The following ENPP3 variants were observed in gnomAD, a reference collection of about 807,000 sequenced individuals.
ENPP3 encodes ectonucleotide pyrophosphatase/phosphodiesterase 3, also known as ectonucleotide pyrophosphatase/phosphodiesterase family member 3.
In ENPP3, 104 loss-of-function variants were observed where a neutral mutation model predicts 117.8. The ratio of observed to expected loss-of-function variants is 0.88; its 90% CI spans 0.75 to 1.04. The LOEUF (loss-of-function observed/expected upper bound fraction) is 1.04. ENPP3 is among the 50% of genes least tolerant of loss of function. The pLI, the probability that ENPP3 is intolerant of heterozygous loss-of-function variation, is 0.00. For synonymous variants in ENPP3, 380 were observed against 349.9 expected, an observed-to-expected ratio of 1.09 and a Z score of -0.96; for missense variants, 1,026 against 1,051.9, an observed-to-expected ratio of 0.98 and a Z score of 0.34.
chr6:131,730,164 C>T (rs958609621), intron 20 of ENPP3, among the ~76,000 whole-genome samples: 19 of 152,054 alleles, frequency 1.2e-4, no homozygotes, highest in Admixed American at 4.6e-4. Flanking sequence ...TGTTTGAGTA[C>T]AACGATAAAG....
At chr6:131,639,963 AAAT>A (rs990730675) in intron 1 of ENPP3, among the ~76,000 whole-genome samples, 4 of 151,846 alleles carry the variant, frequency 2.6e-5, no homozygotes, top group Admixed American at 6.6e-5. Flanking sequence ...CTCCAACTCT[AAAT>A]AATAATAATA....
rs1421903651 is a variant in ENPP3 at position 131,699,271 on chromosome 6, T to C, written c.1412+5647T>C. 2.2e-5 allele frequency among the ~76,000 whole-genome samples: 3 copies of C among 135,006 alleles called. No homozygotes were observed. In the East Asian group the frequency reaches 7.0e-4, roughly 32 times the overall value. The allele number at this position is 135,006 out of a possible 152,430, so 88.6% of individuals were successfully genotyped here. A position where few individuals can be genotyped will look rare whatever the true frequency, so the allele number is the denominator to read the frequency against. On this transcript the variant is annotated intron_variant, in intron 15 of 24. Transcript: ENST00000357639. ...AAAAAAAAAAAGGATAAAATAGTTT[T>C]AGGACATAGTTTTATATCTAACATG... is the stretch of plus-strand genomic sequence containing the variant.
intron 2 of ENPP3, among the ~76,000 whole-genome samples, chr6:131,642,470 A>T (rs575479020): frequency 4.6e-5 from 7 of 152,310 alleles, no homozygotes; most frequent in Admixed American, 1.3e-4. Flanking sequence ...CTTACAAATG[A>T]CAATATAAAA....
chr6:131,652,818 T>G lies in ENPP3; in HGVS notation c.404-13T>G, dbSNP rs1401236388. The G allele has an allele frequency of 1.2e-6, 2 of 1,611,954 alleles. No homozygotes were observed. The highest frequency in any genetic ancestry group is 1.7e-6 in the Non-Finnish European group (2 of 1,178,094). ...TGCAGCAAGTATCAAGATTTTGATC[T>G]TATGCTTTTCAGGAGAAACCTCATG... On this transcript the variant is annotated splice_polypyrimidine_tract_variant and intron_variant, in intron 4 of 24. Transcript: ENST00000357639.
At chr6:131,685,062 G>A (rs1049221476) in intron 12 of ENPP3, among the ~76,000 whole-genome samples, 1 of 152,138 alleles carries the variant, frequency 6.6e-6, no homozygotes, top group African/African-American at 2.4e-5. Flanking sequence ...AGGATTACAG[G>A]TGTGAGCCAC....
At chr6:131,685,828 G>C in intron 13 of ENPP3, 48 bp from the exon 14 acceptor site, 1 of 770,082 alleles carries the variant, frequency 1.3e-6, no homozygotes, top group Non-Finnish European at 2.3e-6. Flanking sequence ...CTTTGCATTT[G>C]TTCGTTATCA....
intron 6 of ENPP3, among the ~76,000 whole-genome samples, chr6:131,661,226 C>A (rs1778492926): frequency 6.6e-6 from 1 of 151,960 alleles, no homozygotes; most frequent in South Asian, 2.1e-4. Context: ...TGATTTCAAC[C>A]CTTTTGGATA....
At chr6:131,718,802 A>G in intron 16 of ENPP3, 64 bp downstream of exon 16, 1 of 959,532 alleles carries the variant, frequency 1.0e-6, no homozygotes, top group Non-Finnish European at 1.6e-6. Flanking sequence ...CAGAATGTGC[A>G]GGTTTGTTAC....
At position 131,722,240 on chromosome 6, in the gene ENPP3, T is replaced by C; in HGVS notation, c.1581T>C (p.Ile527=). ...TTCAAAAAACAGATCTTCTACGCATTCAACCAGCACCAAACAATGGAACCC... is the reference window on the plus strand; with the variant it reads ...TTCAAAAAACAGATCTTCTACGCATCCAACCAGCACCAAACAATGGAACCC... ...VYNLMCDLLR[I]QPAPNNGTHG... The change falls in exon 18 of 25, where the codon ATT becomes ATC. Residue 527 remains isoleucine (I), a synonymous_variant. Coordinates refer to ENST00000357639, the MANE Select transcript of ENPP3 (RefSeq NM_005021.5). The C allele has an allele frequency of 6.2e-7, 1 of 1,612,408 alleles. No individual in the cohort carries two copies. Among genetic ancestry groups the C allele is most frequent in the Non-Finnish European group, 8.5e-7 (1 of 1,179,542 alleles).
chr6:131,674,739 T>A (rs1230769558), intron 8 of ENPP3, among the ~76,000 whole-genome samples: 1 of 151,784 alleles, frequency 6.6e-6, no homozygotes, highest in Non-Finnish European at 1.5e-5. Flanking sequence ...CCAGCTAATT[T>A]TTTTGTATTT....
intron 3 of ENPP3, among the ~76,000 whole-genome samples, chr6:131,651,507 C>G (rs1319029421): frequency 6.6e-6 from 1 of 152,178 alleles, no homozygotes; most frequent in African/African-American, 2.4e-5. Context: ...CAGTGGTTCT[C>G]AAACGTCGAG....
At chr6:131,684,040 C>T (rs35081820) in intron 12 of ENPP3, among the ~76,000 whole-genome samples, 2,994 of 152,198 alleles carry the variant, frequency 0.02, 35 homozygotes, top group Non-Finnish European at 0.027. Context: ...AGTGCGCCAC[C>T]GGGCCTGTCC....
At chr6:131,726,430 C>T (rs1353115921) in intron 20 of ENPP3, among the ~76,000 whole-genome samples, 1 of 152,040 alleles carries the variant, frequency 6.6e-6, no homozygotes, top group Non-Finnish European at 1.5e-5. Context: ...TGTTTACAGG[C>T]CAATTGGCCA....
chr6:131,668,659 A>G (rs1463562098), intron 6 of ENPP3, among the ~76,000 whole-genome samples: 2 of 152,068 alleles, frequency 1.3e-5, no homozygotes, highest in South Asian at 4.1e-4. Context: ...TTTGTTTAGT[A>G]CTTTATTTTT....
chr6:131,717,683 C>T (rs895538210), intron 15 of ENPP3, among the ~76,000 whole-genome samples: 1 of 152,068 alleles, frequency 6.6e-6, no homozygotes, highest in African/African-American at 2.4e-5. Flanking sequence ...AATAAAGCTA[C>T]AGCCTATGGA....
intron 24 of ENPP3, among the ~76,000 whole-genome samples, chr6:131,742,711 C>T (rs1780552991): frequency 6.6e-6 from 1 of 151,968 alleles, no homozygotes; most frequent in African/African-American, 2.4e-5. Context: ...CTATAAGTTC[C>T]AGGTCAATTG....
At chr6:131,643,051 A>G (rs1778086119) in intron 2 of ENPP3, 1 of 152,234 alleles carries the variant, frequency 6.6e-6, no homozygotes, top group Admixed American at 6.5e-5. Flanking sequence ...AGGAAGCCTC[A>G]GTAAGGTTAA....
intron 14 of ENPP3, among the ~76,000 whole-genome samples, chr6:131,686,532 A>G (rs1779157755): frequency 6.6e-6 from 1 of 152,122 alleles, no homozygotes; most frequent in Non-Finnish European, 1.5e-5. Flanking sequence ...TTCAACTTTC[A>G]TGTTAGATAC....
intron 15 of ENPP3, among the ~76,000 whole-genome samples, chr6:131,702,309 G>A (rs1347032591): frequency 6.7e-6 from 1 of 149,534 alleles, no homozygotes; most frequent in Admixed American, 6.6e-5. Flanking sequence ...ATACACCAGT[G>A]GTCATTCACC....
Sources: allele counts gnomAD v4.1 joint callset (sites outside exome capture counted in the v4.1 genomes callset), GRCh38; gene constraint gnomAD v4.1.1; transcripts MANE v1.5; gene names NCBI Gene and HGNC (gene_info 2026-07-23, HGNC 2026-07-21).